ANKRD33B: variants seen among roughly 807,000 people sequenced by gnomAD.
The protein encoded by ANKRD33B is ankyrin repeat domain-containing protein 33B.
A neutral mutation model predicts 21.5 loss-of-function variants in ANKRD33B; 6 were observed. The ratio of observed to expected loss-of-function variants is 0.28; its 90% confidence interval spans 0.15 to 0.55. ANKRD33B has a LOEUF of 0.55. Among genes scored for constraint, ANKRD33B ranks in the 20% least tolerant of loss-of-function variants. The pLI, the probability that ANKRD33B is intolerant of heterozygous loss-of-function variation, is 0.94. For synonymous variants in ANKRD33B, 347 were observed against 342.4 expected (o/e 1.01, Z -0.15); for missense variants, 698 against 747.2 (o/e 0.93, Z 0.77).
chr5:10,612,968 T>C (rs1007691551), intron 1 of ANKRD33B, among the ~76,000 whole-genome samples: 3 of 152,242 alleles, frequency 2.0e-5, no homozygotes, highest in Admixed American at 6.5e-5. Context: ...TTTATAGAAA[T>C]GGAGTTTTAA....
chr5:10,595,596 A>G (rs1186071688), intron 1 of ANKRD33B, among the ~76,000 whole-genome samples: 1 of 152,098 alleles, frequency 6.6e-6, no homozygotes, highest in Non-Finnish European at 1.5e-5. Flanking sequence ...ATACATTTCA[A>G]CCTACTACAG....
In ANKRD33B at chr5:10,579,671, TTAAAA is replaced by T. The variant is rs769360187; in HGVS notation, c.366+14842_366+14846del. 1.2e-4 allele frequency among the ~76,000 whole-genome samples: 18 copies of T among 152,196 alleles called. No homozygotes were observed. In the South Asian group the frequency reaches 3.5e-3, roughly 30 times the overall value. Reference sequence around the variant, plus strand: ...AAATTAAATGAGTAGTATTAAATGATTAAAATAAGTAGTCACGGGATGACTAGGAA... The same window carrying T: ...AAATTAAATGAGTAGTATTAAATGATTAAGTAGTCACGGGATGACTAGGAA... On this transcript the variant is annotated intron_variant, in intron 1 of 3. Transcript: ENST00000296657.
At position 10,648,995 on chromosome 5, in the gene ANKRD33B, C is replaced by A. The variant is rs374629525; in HGVS notation, c.638-271C>A. On this transcript the variant is annotated intron_variant, in intron 3 of 3. Transcript: ENST00000296657. Reference sequence around the variant, plus strand: ...AAAATTACCTGGGCGGTGGTGTAGCCCCAGCTACTCGGGAGGCTGACTTGG... The same window carrying A: ...AAAATTACCTGGGCGGTGGTGTAGCACCAGCTACTCGGGAGGCTGACTTGG... Among the ~76,000 whole-genome samples the A allele has an allele frequency of 6.6e-5, 10 of 152,320 alleles. No homozygotes were observed. In the East Asian group the frequency reaches 1.7e-3, roughly 26 times the overall value.
intron 1 of ANKRD33B, among the ~76,000 whole-genome samples, chr5:10,569,538 G>A (rs1001803323): frequency 6.6e-6 from 1 of 152,144 alleles, no homozygotes; most frequent in Non-Finnish European, 1.5e-5. Context: ...GGAGGTTGCA[G>A]TGAGTTGAGA....
At chr5:10,573,318 A>G (rs1010005940) in intron 1 of ANKRD33B, among the ~76,000 whole-genome samples, 12 of 152,106 alleles carry the variant, frequency 7.9e-5, no homozygotes, top group Non-Finnish European at 1.8e-4. Context: ...AATACAAAAA[A>G]TTAGCTCGGT....
intron 1 of ANKRD33B, among the ~76,000 whole-genome samples, chr5:10,613,990 C>CGTGTGT (rs59864065): frequency 0.062 from 8,752 of 141,154 alleles, 405 homozygotes; most frequent in East Asian, 0.22. Flanking sequence ...CCAGAGAAAT[C>CGTGTGT]GTGTGTGTGT....
chr5:10,649,892 G>C lies in ANKRD33B; in HGVS notation c.1264G>C (p.Val422Leu). 6.6e-7 allele frequency: 1 copy of C among 1,512,926 alleles called. No individual in the cohort carries two copies. The highest frequency in any genetic ancestry group is 8.8e-7 in the Non-Finnish European group (1 of 1,136,408). The allele number at this position is 1,512,926 out of a possible 1,614,324, so 93.7% of individuals were successfully genotyped here. A position where few individuals can be genotyped will look rare whatever the true frequency, so the allele number is the denominator to read the frequency against. The change falls in exon 4 of 4, where the codon GTG becomes CTG. Residue 422 changes from valine (V) to leucine (L), a missense_variant. Transcript: ENST00000296657. ...GCGGAGAAGCGTGCGGCCCGGTGTG[G>C]TGGTGCCCCGGGTCCGAGTCAGCAA... The part of the protein sequence containing the change: ...LRRRSVRPGV[V>L]VPRVRVSKAP...
chr5:10,595,971 T>C (rs191978723), intron 1 of ANKRD33B, among the ~76,000 whole-genome samples: 51 of 152,322 alleles, frequency 3.3e-4, no homozygotes, highest in Admixed American at 2.7e-3. Flanking sequence ...AAAGTGAAAC[T>C]GCCTTCGCTG....
chr5:10,618,420 G>A lies in ANKRD33B; in HGVS notation c.454G>A (p.Asp152Asn), dbSNP rs1201258611. Residue 152 changes from aspartate to asparagine, a missense_variant, in exon 2 of 4, where the codon GAC becomes AAC. Transcript: ENST00000296657. ...CCCCCACGTTGACGTCAACTGGCAG[G>A]ACAGCGAGGGGAACACAGCCCTAAT... ...ECPHVDVNWQ[D>N]SEGNTALITA... 1 of 1,537,312 alleles carries A rather than the reference G, an allele frequency of 6.5e-7. No individual in the cohort carries two copies. The highest frequency in any genetic ancestry group is 8.7e-7 in the Non-Finnish European group (1 of 1,146,874).
intron 2 of ANKRD33B, among the ~76,000 whole-genome samples, chr5:10,625,343 G>T (rs185827719): frequency 2.0e-5 from 3 of 152,318 alleles, no homozygotes; most frequent in Admixed American, 2.0e-4. Context: ...AAATATTCCA[G>T]CTCCCTTATC....
Position 10,619,391 on chromosome 5 carries a change from T to C in ANKRD33B, c.496+929T>C. 1.0e-6 allele frequency: 1 copy of C among 985,356 alleles called. No individual in the cohort carries two copies. Among genetic ancestry groups the C allele is most frequent in the Non-Finnish European group, 1.2e-6 (1 of 829,862 alleles). The allele number at this position is 985,356 out of a possible 1,614,324, so 61.0% of individuals were successfully genotyped here. A position where few individuals can be genotyped will look rare whatever the true frequency, so the allele number is the denominator to read the frequency against. On this transcript the variant is annotated intron_variant, in intron 2 of 3. Coordinates refer to ENST00000296657, the MANE Select transcript of ANKRD33B (RefSeq NM_001164440.2). This position sits in a 1 kb window ranked among gnomAD's most constrained non-coding sequence, Gnocchi z 4.5. ...CCCCGACCACACTGTATGTTGATTC[T>C]GGTTGGGAAATGGCTGTTGCTGTCA...
chr5:10,612,486 C>T (rs1410483558), intron 1 of ANKRD33B, among the ~76,000 whole-genome samples: 2 of 152,214 alleles, frequency 1.3e-5, no homozygotes, highest in Non-Finnish European at 2.9e-5. Flanking sequence ...GTTAGGATTT[C>T]AACATATGAA....
intron 1 of ANKRD33B, among the ~76,000 whole-genome samples, chr5:10,606,742 T>TC (rs2126572964): frequency 6.6e-6 from 1 of 151,150 alleles, no homozygotes; most frequent in African/African-American, 2.4e-5. Context: ...TTTTTTTTTT[T>TC]TTTTGAGGTG....
intron 1 of ANKRD33B, among the ~76,000 whole-genome samples, chr5:10,595,210 C>T (rs571455590): frequency 3.4e-4 from 51 of 152,136 alleles, no homozygotes; most frequent in Middle Eastern, 3.4e-3. Context: ...GGTGGAGGAG[C>T]GGCCTGGGGG....
At chr5:10,586,499 G>A (rs1735564482) in intron 1 of ANKRD33B, among the ~76,000 whole-genome samples, 1 of 135,900 alleles carries the variant, frequency 7.4e-6, no homozygotes, top group Non-Finnish European at 1.6e-5. Context: ...GTGTGTGTGT[G>A]TGTGTGTGTG....
chr5:10,565,844 G>T (rs961773687), intron 1 of ANKRD33B, among the ~76,000 whole-genome samples: 2 of 152,202 alleles, frequency 1.3e-5, no homozygotes, highest in Admixed American at 1.3e-4. Context: ...ATCTGCAGAT[G>T]CAGCCTAGCA....
In ANKRD33B at chr5:10,586,457, G is replaced by C. The variant is rs554394346; in HGVS notation, c.366+21624G>C. Among the ~76,000 whole-genome samples the C allele has an allele frequency of 2.0e-5, 3 of 151,766 alleles. No individual in the cohort carries two copies. The South Asian group carries it at 6.3e-4, about 32-fold the overall frequency. On this transcript the variant is annotated intron_variant, in intron 1 of 3. Coordinates refer to ENST00000296657, the MANE Select transcript of ANKRD33B (RefSeq NM_001164440.2). ...CTTGTTTAGACCTGATACACTGTGA[G>C]AATACGATGTGCGTTGGGTTCTTGT...
At position 10,564,761 on chromosome 5, in the gene ANKRD33B, GGGGCTGCTGC is replaced by G; in HGVS notation, c.297_306del (p.Leu100ArgfsTer7). ...TGCGCGCCGCCTGCGCCAACAACGT[GGGGCTGCTGC>G]GGACGCTGGTGCGGCGCGGGGTGAG... On this transcript the variant is annotated frameshift_variant, in exon 1 of 4. Transcript: ENST00000296657. LOFTEE classifies it high-confidence loss of function. 4 of 1,527,762 alleles carry G rather than the reference GGGGCTGCTGC, an allele frequency of 2.6e-6. No homozygotes were observed. Among genetic ancestry groups the G allele is most frequent in the Non-Finnish European group, 3.5e-6 (4 of 1,141,572 alleles). The allele number at this position is 1,527,762 out of a possible 1,614,324, so 94.6% of individuals were successfully genotyped here.
chr5:10,649,242 C>G, intron 3 of ANKRD33B, 24 bp from the exon 4 acceptor site: 1 of 1,503,366 alleles, frequency 6.7e-7, no homozygotes, highest in Non-Finnish European at 8.9e-7. Flanking sequence ...CCACCCACTT[C>G]TGTTTGTGTT....
Sources: gnomAD v4.1 joint callset for allele counts (sites outside exome capture counted in the v4.1 genomes callset) on GRCh38, gnomAD v4.1.1 for gene constraint, Gnocchi (gnomAD v3.1) non-coding constraint, MANE v1.5 for transcripts, NCBI Gene and HGNC (gene_info 2026-07-23, HGNC 2026-07-21) for gene names.